ANO3: variants seen among roughly 807,000 people sequenced by gnomAD.
The protein encoded by ANO3 is anoctamin-3.
ANO3 carries 99 observed loss-of-function variants against 144.8 expected under a neutral mutation model. That is an observed-to-expected ratio of 0.68 (90% confidence interval 0.58 to 0.81). ANO3 has a LOEUF of 0.81. Among genes scored for constraint, ANO3 ranks in the 30% least tolerant of loss-of-function variants. The pLI, the probability that ANO3 is intolerant of heterozygous loss-of-function variation, is 0.00. For missense variants in ANO3, 905 were observed against 1,202.2 expected (o/e 0.75, Z 3.66); for synonymous variants, 414 against 392.6 (o/e 1.05, Z -0.64).
intron 14 of ANO3, among the ~76,000 whole-genome samples, chr11:26,586,497 G>A (rs1239280427): frequency 1.5e-5 from 1 of 68,808 alleles, no homozygotes; most frequent in Non-Finnish European, 2.9e-5. Flanking sequence ...CTTCCCTGGT[G>A]AGAATCTTTT....
At chr11:26,635,760 A>T (rs1234657172) in intron 20 of ANO3, among the ~76,000 whole-genome samples, 1 of 152,244 alleles carries the variant, frequency 6.6e-6, no homozygotes, top group Non-Finnish European at 1.5e-5. Flanking sequence ...TTCTGTTCAT[A>T]GCCTTGAAGA....
chr11:26,249,549 T>A (rs1852878316), intron 1 of ANO3, among the ~76,000 whole-genome samples: 1 of 152,068 alleles, frequency 6.6e-6, no homozygotes, highest in South Asian at 2.1e-4. Flanking sequence ...GTGGTTGTGC[T>A]AAATTAACTC....
intron 1 of ANO3, among the ~76,000 whole-genome samples, chr11:26,375,591 T>C (rs1289461635): frequency 1.3e-5 from 2 of 152,158 alleles, no homozygotes; most frequent in Non-Finnish European, 2.9e-5. Context: ...CAGAATTTTC[T>C]CCCGATCTTC....
intron 6 of ANO3, among the ~76,000 whole-genome samples, chr11:26,522,634 C>G (rs532466714): frequency 1.2e-4 from 18 of 152,184 alleles, no homozygotes; most frequent in Non-Finnish European, 2.5e-4. Context: ...GGATTTGGCC[C>G]TGCACGTTCA....
At chr11:26,273,632 GCACACACACACACA>G (rs3220654) in intron 1 of ANO3, among the ~76,000 whole-genome samples, 138 of 140,282 alleles carry the variant, frequency 9.8e-4, no homozygotes, top group African/African-American at 3.2e-3. Flanking sequence ...TGTGGATATG[GCACACACACACACA>G]CACACACACA....
In ANO3 at chr11:26,662,735, G is replaced by GA. The variant is rs1291179333; in HGVS notation, c.*2297dup. The stretch of plus-strand genomic sequence containing the variant: ...GAAACAGATGTGAAAAACAGAAAAA[G>GA]AAAAAATTGTCTGAAATGTTTATTT... On this transcript the variant is annotated 3_prime_UTR_variant, in exon 27 of 27. Coordinates refer to ENST00000256737, the MANE Select transcript of ANO3 (RefSeq NM_031418.4). 2.0e-5 allele frequency: 3 copies of GA among 151,528 alleles called. No homozygotes were observed. Among genetic ancestry groups the GA allele is most frequent in the Middle Eastern group, 3.2e-3 (1 of 316 alleles). 9.4% of individuals were successfully genotyped at this position (151,528 alleles called of 1,614,324 possible).
At chr11:26,332,369 C>T in intron 1 of ANO3, 48 bp downstream of exon 1, 4 of 1,590,076 alleles carry the variant, frequency 2.5e-6, no homozygotes, top group Non-Finnish European at 3.5e-6. Flanking sequence ...CACTTCCCCC[C>T]TGCATGCCCT....
chr11:26,621,472 G>A (rs1184070851), intron 17 of ANO3, among the ~76,000 whole-genome samples: 1 of 152,010 alleles, frequency 6.6e-6, no homozygotes, highest in African/African-American at 2.4e-5. Context: ...CTCCCTCATT[G>A]CATGCACTTC....
intron 1 of ANO3, among the ~76,000 whole-genome samples, chr11:26,395,531 T>C (rs1178040035): frequency 6.6e-6 from 1 of 152,146 alleles, no homozygotes; most frequent in Non-Finnish European, 1.5e-5. Flanking sequence ...CTTATTGTCT[T>C]TGTAGCAAGT....
intron 4 of ANO3, among the ~76,000 whole-genome samples, chr11:26,491,005 A>G (rs1005782078): frequency 6.6e-6 from 1 of 152,238 alleles, no homozygotes; most frequent in Non-Finnish European, 1.5e-5. Context: ...AAAACTGTTC[A>G]GAAAGCAATT....
chr11:26,634,241 C>T lies in ANO3; in HGVS notation c.1911C>T (p.Phe637=), dbSNP rs77422010. The change falls in exon 19 of 27, where the codon TTC becomes TTT. Residue 637 remains phenylalanine, a synonymous_variant. Transcript: ENST00000256737. ...CAGAATCAGAGTGGGAAAACAGCTT[C>T]GCCCTGAAGATGTTCCTCTTCCAGT... ...PRTESEWENS[F]ALKMFLFQFV... 2.5e-4 allele frequency: 400 copies of T among 1,613,880 alleles called. No homozygotes were observed. The African/African-American group carries it at 4.9e-3, about 20-fold the overall frequency.
chr11:26,336,812 A>G (rs1472303226), intron 1 of ANO3, among the ~76,000 whole-genome samples: 1 of 152,164 alleles, frequency 6.6e-6, no homozygotes, highest in Non-Finnish European at 1.5e-5. Context: ...TCTTCCTGGT[A>G]TTTTCACAGT....
At chr11:26,471,198 G>T (rs1407846931) in intron 4 of ANO3, among the ~76,000 whole-genome samples, 3 of 151,898 alleles carry the variant, frequency 2.0e-5, no homozygotes, top group Non-Finnish European at 4.4e-5. Context: ...GCTGCACTGT[G>T]GTGTGTCTCT....
At chr11:26,404,580 A>G (rs1054015268) in intron 1 of ANO3, among the ~76,000 whole-genome samples, 1 of 151,842 alleles carries the variant, frequency 6.6e-6, no homozygotes, top group African/African-American at 2.4e-5. Flanking sequence ...AAAACCTAAC[A>G]GTGCTAGTAG....
At chr11:26,367,702 G>A (rs1232484891) in intron 1 of ANO3, among the ~76,000 whole-genome samples, 1 of 152,142 alleles carries the variant, frequency 6.6e-6, no homozygotes, top group Non-Finnish European at 1.5e-5. Flanking sequence ...TAATTGGCTT[G>A]TAGTTCTGCA....
chr11:26,558,194 G>A (rs1399176070), intron 13 of ANO3, among the ~76,000 whole-genome samples: 1 of 152,108 alleles, frequency 6.6e-6, no homozygotes, highest in Non-Finnish European at 1.5e-5. Context: ...ACTATGATAA[G>A]TTCATGCAAC....
chr11:26,203,037 T>A (rs1014081189), intron 1 of ANO3, among the ~76,000 whole-genome samples: 1 of 152,038 alleles, frequency 6.6e-6, no homozygotes, highest in Non-Finnish European at 1.5e-5. Context: ...TGTAATAGGA[T>A]TTAAACATAA....
chr11:26,390,437 G>C (rs1386290961), intron 1 of ANO3, among the ~76,000 whole-genome samples: 1 of 151,886 alleles, frequency 6.6e-6, no homozygotes, highest in African/African-American at 2.4e-5. Flanking sequence ...ACTTGATGTG[G>C]CTAGACAATT....
intron 1 of ANO3, among the ~76,000 whole-genome samples, chr11:26,432,833 A>T (rs1429067443): frequency 6.6e-6 from 1 of 152,142 alleles, no homozygotes; most frequent in Admixed American, 6.6e-5. Flanking sequence ...GTCGGGTAAC[A>T]TGATGCCTCG....
Sources: allele counts gnomAD v4.1 joint callset (sites outside exome capture counted in the v4.1 genomes callset), GRCh38; gene constraint gnomAD v4.1.1; transcripts MANE v1.5; gene names NCBI Gene and HGNC (gene_info 2026-07-23, HGNC 2026-07-21).